Variants in ZBTB20 observed in about 807,000 individuals in gnomAD.
The protein encoded by ZBTB20 is zinc finger and BTB domain containing 20.
Under a neutral mutation model 56.9 loss-of-function variants are expected in ZBTB20, and 9 were observed. The observed-to-expected ratio is 0.16, with a 90% CI of 0.10 to 0.28. The LOEUF (loss-of-function observed/expected upper bound fraction) is 0.28, where lower values mean the gene tolerates loss of function less well. Among genes scored for constraint, ZBTB20 ranks in the 10% least tolerant of loss-of-function variants. The probability of loss-of-function intolerance (pLI) is 1.00; values close to 1 mark genes in which losing one functional copy is unlikely to be tolerated. For missense variants in ZBTB20, 655 were observed against 1,003.0 expected, an observed-to-expected ratio of 0.65 and a Z score of 4.69; for synonymous variants, 417 against 420.7, an observed-to-expected ratio of 0.99 and a Z score of 0.11.
intron 6 of ZBTB20, among the ~76,000 whole-genome samples, chr3:114,619,538 A>G: frequency 6.6e-6 from 1 of 152,030 alleles, no homozygotes; most frequent in East Asian, 1.9e-4. Flanking sequence ...TTTGTAGTAC[A>G]TGCAGTTACT....
chr3:114,959,518 A>G (rs2077365272), intron 3 of ZBTB20, among the ~76,000 whole-genome samples: 1 of 152,136 alleles, frequency 6.6e-6, no homozygotes, highest in African/African-American at 2.4e-5. Flanking sequence ...GTAAATAAAT[A>G]AATAAGAAAA....
chr3:114,843,197 A>G (rs541466585), intron 4 of ZBTB20, among the ~76,000 whole-genome samples: 1 of 152,286 alleles, frequency 6.6e-6, no homozygotes, highest in Admixed American at 6.5e-5. Flanking sequence ...AGTCTCAGGT[A>G]GTTCTTTATA....
intron 7 of ZBTB20, among the ~76,000 whole-genome samples, chr3:114,460,260 A>T (rs1163238751): frequency 6.6e-6 from 1 of 152,114 alleles, no homozygotes; most frequent in African/African-American, 2.4e-5. Flanking sequence ...TGATAAACAC[A>T]CTACAAAGGA....
intron 2 of ZBTB20, among the ~76,000 whole-genome samples, chr3:115,007,029 T>C (rs767724753): frequency 6.6e-6 from 1 of 151,902 alleles, no homozygotes; most frequent in African/African-American, 2.4e-5. Flanking sequence ...GTAAACTTAA[T>C]GATGAGAATA....
At chr3:114,769,000 C>T (rs548099728) in intron 5 of ZBTB20, among the ~76,000 whole-genome samples, 1 of 152,204 alleles carries the variant, frequency 6.6e-6, no homozygotes, top group South Asian at 2.1e-4. Context: ...GAGTTGATAC[C>T]CATAGCACTT....
intron 1 of ZBTB20, among the ~76,000 whole-genome samples, chr3:115,099,495 T>G (rs1450938334): frequency 6.6e-6 from 1 of 152,180 alleles, no homozygotes; most frequent in East Asian, 1.9e-4. Flanking sequence ...CCTTATTTGT[T>G]TAAAAATACA....
At chr3:114,718,009 C>T (rs1239352271) in intron 5 of ZBTB20, among the ~76,000 whole-genome samples, 1 of 152,076 alleles carries the variant, frequency 6.6e-6, no homozygotes, top group Non-Finnish European at 1.5e-5. Context: ...TTGGGATAAA[C>T]ACAGTATATT....
chr3:114,870,068 C>T (rs1442503011), intron 4 of ZBTB20, among the ~76,000 whole-genome samples: 4 of 152,082 alleles, frequency 2.6e-5, no homozygotes, highest in African/African-American at 7.2e-5. Context: ...AGGTCAGTCT[C>T]ACAGAGAATA....
At chr3:114,665,294 C>T (rs1480107964) in intron 6 of ZBTB20, among the ~76,000 whole-genome samples, 1 of 151,950 alleles carries the variant, frequency 6.6e-6, no homozygotes, top group Non-Finnish European at 1.5e-5. Flanking sequence ...ACATACTGTA[C>T]AGGTTTATAA....
At chr3:114,379,866 TC>T (rs1338444743) in intron 10 of ZBTB20, among the ~76,000 whole-genome samples, 2 of 152,206 alleles carry the variant, frequency 1.3e-5, no homozygotes, top group Non-Finnish European at 2.9e-5. Flanking sequence ...CCTTCTGAGG[TC>T]CACATTTGGT....
intron 2 of ZBTB20, among the ~76,000 whole-genome samples, chr3:115,068,839 T>C (rs2082301323): frequency 6.6e-6 from 1 of 151,692 alleles, no homozygotes; most frequent in Non-Finnish European, 1.5e-5. Flanking sequence ...ATTAGAAAAA[T>C]GCCATGTAAA....
At chr3:114,779,782 T>A (rs1055179677) in intron 5 of ZBTB20, among the ~76,000 whole-genome samples, 1 of 152,166 alleles carries the variant, frequency 6.6e-6, no homozygotes, top group Non-Finnish European at 1.5e-5. Flanking sequence ...CACTTAGGAA[T>A]CTTACAAATG....
intron 2 of ZBTB20, among the ~76,000 whole-genome samples, chr3:115,041,379 C>G (rs2081135587): frequency 6.6e-6 from 1 of 152,084 alleles, no homozygotes; most frequent in Admixed American, 6.6e-5. Flanking sequence ...AGTACCAAAA[C>G]CAAAACTCTA....
intron 4 of ZBTB20, among the ~76,000 whole-genome samples, chr3:114,855,429 C>T (rs1417406334): frequency 6.6e-6 from 1 of 152,104 alleles, no homozygotes; most frequent in African/African-American, 2.4e-5. Context: ...CTAGTGTTTT[C>T]CTAGCATGAA....
At chr3:114,979,267 ATGATAGGACTAC>A (rs1349718110) in intron 2 of ZBTB20, among the ~76,000 whole-genome samples, 1 of 152,060 alleles carries the variant, frequency 6.6e-6, no homozygotes, top group African/African-American at 2.4e-5. Context: ...ATCGATTTCA[ATGATAGGACTAC>A]TGTATAAAGA....
At chr3:114,707,245 T>C (rs1316027019) in intron 5 of ZBTB20, among the ~76,000 whole-genome samples, 2 of 152,224 alleles carry the variant, frequency 1.3e-5, no homozygotes, top group Non-Finnish European at 2.9e-5. Flanking sequence ...GAAGGACTAT[T>C]TGGAATTTTT....
At chr3:114,396,409 C>T (rs953302374) in intron 7 of ZBTB20, among the ~76,000 whole-genome samples, 4 of 152,150 alleles carry the variant, frequency 2.6e-5, no homozygotes, top group African/African-American at 9.7e-5. Context: ...GTAACTTTGG[C>T]TATTACTGAC....
chr3:114,575,320 T>A (rs1230387748), intron 6 of ZBTB20, among the ~76,000 whole-genome samples: 1 of 152,178 alleles, frequency 6.6e-6, no homozygotes, highest in Non-Finnish European at 1.5e-5. Flanking sequence ...TTCTTATAAA[T>A]CAATCAAATG....
intron 7 of ZBTB20, among the ~76,000 whole-genome samples, chr3:114,461,481 A>AT (rs1291940635): frequency 6.6e-6 from 1 of 151,912 alleles, no homozygotes; most frequent in African/African-American, 2.4e-5. Flanking sequence ...TAATTTTTAA[A>AT]TTTTTGTAGT....
Sources: allele counts gnomAD v4.1 joint callset (sites outside exome capture counted in the v4.1 genomes callset), GRCh38; gene constraint gnomAD v4.1.1; transcripts MANE v1.5; gene names NCBI Gene and HGNC (gene_info 2026-07-23, HGNC 2026-07-21).